Variants in UGT1A10 observed in about 807,000 individuals in gnomAD.
The protein encoded by UGT1A10 is UDP-glucuronosyltransferase 1A10.
A neutral mutation model predicts 45.8 loss-of-function variants in UGT1A10; 49 were observed. The observed-to-expected ratio is 1.07, with a 90% CI of 0.85 to 1.36. The LOEUF is 1.36. Ranked by LOEUF, UGT1A10 falls within the 40% of genes most tolerant of loss-of-function variation. UGT1A10 has a pLI of 0.00. For missense variants in UGT1A10, 745 were observed against 668.6 expected (o/e 1.11, Z -1.26); for synonymous variants, 284 against 249.7 (o/e 1.14, Z -1.29).
At chr2:233,734,752 T>C (rs1438884438) in intron 1 of UGT1A10, among the ~76,000 whole-genome samples, 1 of 152,248 alleles carries the variant, frequency 6.6e-6, no homozygotes, top group African/African-American at 2.4e-5. Context: ...TCTTTATTTC[T>C]GCCTTCACTT....
chr2:233,672,178 A>G (rs2074213555), intron 1 of UGT1A10: 2 of 1,614,128 alleles, frequency 1.2e-6, no homozygotes, highest in Middle Eastern at 1.7e-4. Flanking sequence ...AACTTCATAT[A>G]CCCTGGAGGA....
At chr2:233,703,194 A>G (rs2125592149) in intron 1 of UGT1A10, among the ~76,000 whole-genome samples, 1 of 152,238 alleles carries the variant, frequency 6.6e-6, no homozygotes, top group South Asian at 2.1e-4. Context: ...CTTTCTAGGA[A>G]TTTGTCAATT....
At chr2:233,724,792 G>A (rs992945436) in intron 1 of UGT1A10, among the ~76,000 whole-genome samples, 1 of 140,672 alleles carries the variant, frequency 7.1e-6, no homozygotes, top group Non-Finnish European at 1.5e-5. Flanking sequence ...CTTCCCAGAC[G>A]GGGTGGCGGC....
intron 1 of UGT1A10, among the ~76,000 whole-genome samples, chr2:233,737,011 AG>A (rs2078834177): frequency 1.3e-5 from 2 of 152,192 alleles, no homozygotes; most frequent in Non-Finnish European, 2.9e-5. Context: ...CCGCTTGAGG[AG>A]GCAGTCTGTC....
chr2:233,755,095 C>T (rs1348652333), intron 1 of UGT1A10: 32 of 1,334,722 alleles, frequency 2.4e-5, no homozygotes, highest in Non-Finnish European at 3.1e-5. Context: ...CGTTTCTACG[C>T]GTCCGACAAC....
At chr2:233,640,514 C>T (rs2073422567) in intron 1 of UGT1A10, among the ~76,000 whole-genome samples, 1 of 152,184 alleles carries the variant, frequency 6.6e-6, no homozygotes, top group Admixed American at 6.5e-5. Context: ...CCAATTGCCT[C>T]ATACAACATC....
intron 1 of UGT1A10, among the ~76,000 whole-genome samples, chr2:233,720,962 C>T (rs370196629): frequency 1.3e-4 from 20 of 151,468 alleles, no homozygotes; most frequent in African/African-American, 2.7e-4. Flanking sequence ...CTGCCCGCCT[C>T]GGCCTCCCAA....
chr2:233,669,755 C>T (rs1412161329), intron 1 of UGT1A10, among the ~76,000 whole-genome samples: 1 of 152,144 alleles, frequency 6.6e-6, no homozygotes, highest in African/African-American at 2.4e-5. Flanking sequence ...GTGATCTCAG[C>T]TCAATGCAAC....
At chr2:233,760,651 A>G (rs1358018329) in intron 1 of UGT1A10, 1 of 1,614,196 alleles carries the variant, frequency 6.2e-7, no homozygotes, top group South Asian at 1.1e-5. Context: ...GGACTCTGCT[A>G]TGCTTTTGTC....
At chr2:233,733,214 A>T (rs920142608) in intron 1 of UGT1A10, among the ~76,000 whole-genome samples, 1 of 152,180 alleles carries the variant, frequency 6.6e-6, no homozygotes, top group African/African-American at 2.4e-5. Flanking sequence ...TTGGGCTGAG[A>T]CAATGGGGTT....
chr2:233,745,474 T>C (rs1693117475), intron 1 of UGT1A10, among the ~76,000 whole-genome samples: 1 of 151,746 alleles, frequency 6.6e-6, no homozygotes, highest in African/African-American at 2.4e-5. Context: ...GGGAAAATGA[T>C]TAACCAAAGA....
At chr2:233,761,273 T>A (rs748388612) in intron 1 of UGT1A10, 95 of 1,579,546 alleles carry the variant, frequency 6.0e-5, no homozygotes, top group Non-Finnish European at 8.1e-5. Context: ...ATGCCCTCTT[T>A]TGTTAATTTT....
chr2:233,756,911 G>T (rs1386201221), intron 1 of UGT1A10, among the ~76,000 whole-genome samples: 2 of 152,132 alleles, frequency 1.3e-5, no homozygotes, highest in Non-Finnish European at 2.9e-5. Flanking sequence ...ACAAACTTCT[G>T]AGTTTATATA....
chr2:233,684,285 C>T (rs1300653684), intron 1 of UGT1A10, among the ~76,000 whole-genome samples: 1 of 152,198 alleles, frequency 6.6e-6, no homozygotes, highest in African/African-American at 2.4e-5. Context: ...ACATGACTTT[C>T]AGCTCTTGGC....
In UGT1A10 at chr2:233,743,982, C is replaced by T. The variant is rs6735370; in HGVS notation, c.856-23052C>T. The T allele has an allele frequency of 7.7e-4, 997 of 1,297,112 alleles. 32 individuals carry two copies. The African/African-American group carries it at 0.014, about 18-fold the overall frequency. 80.4% of individuals were successfully genotyped at this position (1,297,112 alleles called of 1,614,324 possible). On this transcript the variant is annotated intron_variant, in intron 1 of 4. Coordinates refer to ENST00000344644, the MANE Select transcript of UGT1A10 (RefSeq NM_019075.4). ...AGCGGCAAGGCTGCCAGCACCCAGG[C>T]GCAGGCCCGAGTGCTCGGAGACCTG...
chr2:233,713,475 G>A, intron 1 of UGT1A10: 1 of 1,614,044 alleles, frequency 6.2e-7, no homozygotes, highest in Non-Finnish European at 8.5e-7. Flanking sequence ...GGCGGTGCTG[G>A]CTAAGTACCT....
chr2:233,701,523 C>T (rs1205561473), intron 1 of UGT1A10, among the ~76,000 whole-genome samples: 2 of 152,142 alleles, frequency 1.3e-5, no homozygotes, highest in African/African-American at 4.8e-5. Context: ...CTCTCCACCC[C>T]AAATCAACAG....
intron 1 of UGT1A10, among the ~76,000 whole-genome samples, chr2:233,665,540 A>G (rs1311328199): frequency 6.6e-6 from 1 of 152,154 alleles, no homozygotes; most frequent in African/African-American, 2.4e-5. Flanking sequence ...TAGAGGCTAG[A>G]CCATAGCTCT....
chr2:233,754,901 C>T (rs996500791), intron 1 of UGT1A10: 1 of 1,352,340 alleles, frequency 7.4e-7, no homozygotes, highest in Non-Finnish European at 9.9e-7. Flanking sequence ...TCTGACCCCC[C>T]AAAATATTCT....
Sources: allele counts gnomAD v4.1 joint callset (sites outside exome capture counted in the v4.1 genomes callset), GRCh38; gene constraint gnomAD v4.1.1; transcripts MANE v1.5; gene names NCBI Gene and HGNC (gene_info 2026-07-23, HGNC 2026-07-21).